Variants in CALCRL observed in about 807,000 individuals in gnomAD.
CALCRL encodes the protein calcitonin receptor like receptor, also known as calcitonin gene-related peptide type 1 receptor.
In CALCRL, 27 loss-of-function variants were observed where a neutral mutation model predicts 60.4. That is an observed-to-expected ratio of 0.45 (90% CI 0.33 to 0.62). The LOEUF (loss-of-function observed/expected upper bound fraction) is 0.62. Among genes scored for constraint, CALCRL ranks in the 20% least tolerant of loss-of-function variants. The pLI is 0.03. For missense variants in CALCRL, 424 were observed against 540.7 expected (o/e 0.78, Z 2.14); for synonymous variants, 190 against 182.6 (o/e 1.04, Z -0.33).
At chr2:187,364,743 A>C (rs1687205147) in intron 8 of CALCRL, among the ~76,000 whole-genome samples, 2 of 152,144 alleles carry the variant, frequency 1.3e-5, no homozygotes. Context: ...TAGCTCTAGT[A>C]ATTAAAGAGC....
chr2:187,438,604 G>T (rs926801164), intron 1 of CALCRL, among the ~76,000 whole-genome samples: 2 of 151,832 alleles, frequency 1.3e-5, no homozygotes, highest in Non-Finnish European at 2.9e-5. Flanking sequence ...AATAAGTAAC[G>T]GAATAAGGCT....
intron 1 of CALCRL, among the ~76,000 whole-genome samples, chr2:187,390,156 A>G (rs1002886859): frequency 6.6e-6 from 1 of 152,118 alleles, no homozygotes; most frequent in African/African-American, 2.4e-5. Flanking sequence ...AATCCTGAAA[A>G]CTATTCAGTT....
rs957273902 is a variant in CALCRL at position 187,387,755 on chromosome 2, A to G, written c.-291T>C. 2 of 396,660 alleles carry G rather than the reference A, an allele frequency of 5.0e-6. No homozygotes were observed. Among genetic ancestry groups the G allele is most frequent in the Non-Finnish European group, 8.9e-6 (2 of 224,944 alleles). 24.6% of individuals were successfully genotyped at this position (396,660 alleles called of 1,614,324 possible). On this transcript the variant is annotated splice_region_variant and 5_prime_UTR_variant, in exon 2 of 15. Coordinates refer to ENST00000392370, the MANE Select transcript of CALCRL (RefSeq NM_005795.6). Reference sequence around the variant, plus strand: ...GAATTTCTTAAATTCAGGGGTCAAGACCTGAAATATTGATGAATGTAATAA... The same window carrying G: ...GAATTTCTTAAATTCAGGGGTCAAGGCCTGAAATATTGATGAATGTAATAA...
At chr2:187,388,401 A>C (rs1428448437) in intron 1 of CALCRL, among the ~76,000 whole-genome samples, 1 of 152,108 alleles carries the variant, frequency 6.6e-6, no homozygotes, top group Non-Finnish European at 1.5e-5. Flanking sequence ...ATGATAATTT[A>C]CTAGGATTTC....
At chr2:187,412,597 G>A (rs143405274) in intron 1 of CALCRL, among the ~76,000 whole-genome samples, 30 of 152,210 alleles carry the variant, frequency 2.0e-4, no homozygotes, top group South Asian at 6.2e-4. Flanking sequence ...CCTGTATCTG[G>A]AATTTAAATC....
At chr2:187,393,367 T>C (rs1161428489) in intron 1 of CALCRL, among the ~76,000 whole-genome samples, 1 of 152,158 alleles carries the variant, frequency 6.6e-6, no homozygotes, top group Admixed American at 6.6e-5. Flanking sequence ...AACACATTTG[T>C]ATTTCACTGT....
At chr2:187,352,932 A>G (rs1686599238) in intron 12 of CALCRL, among the ~76,000 whole-genome samples, 1 of 151,870 alleles carries the variant, frequency 6.6e-6, no homozygotes, top group Non-Finnish European at 1.5e-5. Context: ...TTCTAGAGCT[A>G]AAATAATTTG....
chr2:187,380,723 T>C lies in CALCRL; in HGVS notation c.249A>G (p.Glu83=). 1.2e-6 allele frequency: 2 copies of C among 1,614,140 alleles called. No homozygotes were observed. The highest frequency in any genetic ancestry group is 1.7e-6 in the Non-Finnish European group (2 of 1,179,994). ...AGTAATCAGGGCAGAGCTGCATTGA[T>C]TCAGTTCCTGCTGCAACATCGTTCC... ...LCWNDVAAGT[E]SMQLCPDYFQ... The change falls in exon 6 of 15, where the codon GAA becomes GAG. Residue 83 remains glutamate (E), a synonymous_variant. Transcript: ENST00000392370.
chr2:187,431,150 G>T (rs1342072012), intron 1 of CALCRL: 1 of 153,434 alleles, frequency 6.5e-6, no homozygotes, highest in Non-Finnish European at 1.5e-5. Flanking sequence ...TGCCTTTCAA[G>T]GTTCTCTTTT....
At chr2:187,446,038 CAAT>C (rs1691164182) in intron 1 of CALCRL, among the ~76,000 whole-genome samples, 1 of 151,366 alleles carries the variant, frequency 6.6e-6, no homozygotes, top group African/African-American at 2.4e-5. Flanking sequence ...AATCTTGTAA[CAAT>C]AATCAAAAAC....
intron 8 of CALCRL, among the ~76,000 whole-genome samples, chr2:187,372,136 T>C (rs1687552909): frequency 1.3e-5 from 2 of 152,064 alleles, no homozygotes; most frequent in African/African-American, 4.8e-5. Context: ...AAAGACGTTC[T>C]TTAAAAAAAC....
Position 187,385,650 on chromosome 2 carries a change from GA to G in CALCRL, c.-36-20del. ...ACATAAACTGCAACAGAAAATAAAA[GA>G]AATATAATTCATCAATATTTATGAA... On this transcript the variant is annotated intron_variant, in intron 3 of 14. Coordinates refer to ENST00000392370, the MANE Select transcript of CALCRL (RefSeq NM_005795.6). 8.4e-7 allele frequency: 1 copy of G among 1,195,202 alleles called. No individual in the cohort carries two copies. The highest frequency in any genetic ancestry group is 1.2e-6 in the Non-Finnish European group (1 of 840,962). 74.0% of individuals were successfully genotyped at this position (1,195,202 alleles called of 1,614,324 possible).
intron 1 of CALCRL, among the ~76,000 whole-genome samples, chr2:187,399,645 T>C (rs1447102602): frequency 1.3e-5 from 2 of 151,442 alleles, no homozygotes; most frequent in South Asian, 4.2e-4. Flanking sequence ...TACTGCTCAA[T>C]AATAAAAAGA....
At chr2:187,356,759 A>G (rs1327389597) in intron 12 of CALCRL, among the ~76,000 whole-genome samples, 2 of 152,226 alleles carry the variant, frequency 1.3e-5, no homozygotes, top group Non-Finnish European at 2.9e-5. Context: ...CCCATGTGAC[A>G]AAGGGCTAAT....
At chr2:187,347,742 C>G (rs1686348005) in intron 14 of CALCRL, among the ~76,000 whole-genome samples, 1 of 151,644 alleles carries the variant, frequency 6.6e-6, no homozygotes, top group African/African-American at 2.4e-5. Flanking sequence ...CTTCAGAGTT[C>G]CTGTTAAAGT....
chr2:187,383,974 T>C (rs2105786847), intron 4 of CALCRL, among the ~76,000 whole-genome samples: 1 of 143,900 alleles, frequency 6.9e-6, no homozygotes, highest in East Asian at 2.2e-4. Context: ...TTTTTCTGAT[T>C]TATAATATGA....
chr2:187,416,841 A>G (rs1053874627), intron 1 of CALCRL, among the ~76,000 whole-genome samples: 1 of 152,148 alleles, frequency 6.6e-6, no homozygotes, highest in African/African-American at 2.4e-5. Flanking sequence ...GTTCATCAAT[A>G]AAGACCTATA....
intron 5 of CALCRL, 27 bp from the exon 6 acceptor site, chr2:187,380,814 T>TA: frequency 1.9e-6 from 3 of 1,548,848 alleles, no homozygotes; most frequent in Non-Finnish European, 2.7e-6. Context: ...TAATTGGGGA[T>TA]AATTAAATCC....
At chr2:187,396,092 C>A (rs934544199) in intron 1 of CALCRL, among the ~76,000 whole-genome samples, 31 of 151,444 alleles carry the variant, frequency 2.0e-4, no homozygotes, top group African/African-American at 7.3e-4. Flanking sequence ...ATGTCTCCTA[C>A]TACCTAATAG....
Sources: allele counts gnomAD v4.1 joint callset (sites outside exome capture counted in the v4.1 genomes callset), GRCh38; gene constraint gnomAD v4.1.1; transcripts MANE v1.5; gene names NCBI Gene and HGNC (gene_info 2026-07-23, HGNC 2026-07-21).